ORC3: variants seen among roughly 807,000 people sequenced by gnomAD.
ORC3 encodes the protein homolog of latheo, Drosophila.
Under a neutral mutation model 100.7 loss-of-function variants are expected in ORC3, and 78 were observed. The ratio of observed to expected loss-of-function variants is 0.77; its 90% CI spans 0.65 to 0.94. ORC3 has a LOEUF of 0.94. Among genes scored for constraint, ORC3 ranks in the 40% least tolerant of loss-of-function variants. ORC3 has a pLI of 0.00. For missense variants in ORC3, 789 were observed against 823.9 expected, an observed-to-expected ratio of 0.96 and a Z score of 0.52; for synonymous variants, 295 against 289.3, an observed-to-expected ratio of 1.02 and a Z score of -0.20.
chr6:87,607,504 GC>G (rs758823474), intron 5 of ORC3, among the ~76,000 whole-genome samples, 168 bp from the exon 6 acceptor site: 11 of 151,918 alleles, frequency 7.2e-5, no homozygotes, highest in Non-Finnish European at 1.3e-4. Context: ...GTACTAATGA[GC>G]ATCAGTAGTT....
At chr6:87,635,066 C>A in intron 12 of ORC3, 105 bp downstream of exon 12, 1 of 762,324 alleles carries the variant, frequency 1.3e-6, no homozygotes, top group South Asian at 1.4e-5. Context: ...TGAAGCCAAT[C>A]CTTACAATGA....
chr6:87,647,846 G>A (rs1036279290), intron 13 of ORC3, among the ~76,000 whole-genome samples: 13 of 152,046 alleles, frequency 8.6e-5, no homozygotes, highest in African/African-American at 3.1e-4. Context: ...CACTTTTTTG[G>A]AATAAGCTAA....
chr6:87,654,699 A>G (rs1185763390), intron 14 of ORC3, among the ~76,000 whole-genome samples: 1 of 152,254 alleles, frequency 6.6e-6, no homozygotes, highest in Non-Finnish European at 1.5e-5. Context: ...AAGGCTTAGA[A>G]AAATAGAAGG....
intron 13 of ORC3, among the ~76,000 whole-genome samples, chr6:87,638,459 G>A (rs1767986688): frequency 6.6e-6 from 1 of 152,084 alleles, no homozygotes; most frequent in Admixed American, 6.6e-5. Flanking sequence ...ATGATGCTTT[G>A]GAAAGAATAA....
At chr6:87,669,437 A>G (rs949812785), downstream of ORC3, among the ~76,000 whole-genome samples, 5 of 152,328 alleles carry the variant, frequency 3.3e-5, no homozygotes, top group East Asian at 9.6e-4. Flanking sequence ...GTCAGCTTGA[A>G]TGTTTGTTAA....
At chr6:87,612,918 C>T (rs548607554) in intron 8 of ORC3, among the ~76,000 whole-genome samples, 2 of 152,174 alleles carry the variant, frequency 1.3e-5, no homozygotes, top group African/African-American at 4.8e-5. Context: ...TGACTCCTTA[C>T]ATTTTGTATA....
chr6:87,597,710 C>CACATATAT (rs1554234483), intron 2 of ORC3, among the ~76,000 whole-genome samples: 1 of 140,610 alleles, frequency 7.1e-6, no homozygotes, highest in African/African-American at 2.7e-5. Context: ...CACACACACA[C>CACATATAT]ATATATATAT....
chr6:87,599,501 G>A (rs1417824255), intron 2 of ORC3, among the ~76,000 whole-genome samples: 1 of 151,890 alleles, frequency 6.6e-6, no homozygotes, highest in Admixed American at 6.5e-5. Context: ...CTGAGTACCT[G>A]GGACTACAGG....
intron 13 of ORC3, among the ~76,000 whole-genome samples, chr6:87,649,260 T>C (rs898159795): frequency 1.3e-5 from 2 of 152,200 alleles, no homozygotes; most frequent in Non-Finnish European, 2.9e-5. Flanking sequence ...CAAACACCCA[T>C]GTACACCTAG....
At position 87,667,248 on chromosome 6, in the gene ORC3, T is replaced by G. The variant is rs1770713484; in HGVS notation, c.*125T>G. 1.7e-6 allele frequency: 1 copy of G among 587,084 alleles called. No homozygotes were observed. Among genetic ancestry groups the G allele is most frequent in the Non-Finnish European group, 2.9e-6 (1 of 339,560 alleles). The allele number at this position is 587,084 out of a possible 1,614,324, so 36.4% of individuals were successfully genotyped here. On this transcript the variant is annotated 3_prime_UTR_variant, in exon 20 of 20. Transcript: ENST00000392844. ...ATAAATGTGTAACCCCCATTGATGT[T>G]TAACCAGAAAAGTACATTGCTAACC...
chr6:87,659,022 C>CGG (rs146544093), intron 16 of ORC3, among the ~76,000 whole-genome samples: 694 of 39,456 alleles, frequency 0.018, 15 homozygotes, highest in African/African-American at 0.052. Context: ...AAAAGTGGGG[C>CGG]GGGGGGGGGA....
At chr6:87,596,992 A>T (rs1386045095) in intron 2 of ORC3, among the ~76,000 whole-genome samples, 1 of 152,220 alleles carries the variant, frequency 6.6e-6, no homozygotes, top group East Asian at 1.9e-4. Flanking sequence ...TATTAATACA[A>T]TCTAGTGACC....
intron 11 of ORC3, among the ~76,000 whole-genome samples, chr6:87,631,845 T>C (rs902745489): frequency 2.0e-5 from 3 of 152,172 alleles, no homozygotes; most frequent in African/African-American, 7.2e-5. Context: ...TGTAAAATAG[T>C]GTCCATAAGT....
chr6:87,646,331 C>T (rs1003939420), intron 13 of ORC3, among the ~76,000 whole-genome samples: 3 of 152,026 alleles, frequency 2.0e-5, no homozygotes, highest in Non-Finnish European at 2.9e-5. Flanking sequence ...AAAGATAAAT[C>T]GCTCTTTTGT....
chr6:87,664,941 T>A, intron 18 of ORC3, 82 bp downstream of exon 18: 1 of 786,576 alleles, frequency 1.3e-6, no homozygotes, highest in African/African-American at 1.8e-5. Flanking sequence ...ATACTTTTAG[T>A]GCTTTGGAAT....
At chr6:87,675,036 G>T in the ORC3 span, 1 of 144,222 alleles carries the variant, frequency 6.9e-6, no homozygotes, top group East Asian at 2.0e-4. Flanking sequence ...TAAAAAGACT[G>T]ATAGAATAAA....
In ORC3 at chr6:87,590,163, A is replaced by G. The variant is rs1339141161; in HGVS notation, c.-6A>G. The G allele has an allele frequency of 1.2e-6, 2 of 1,614,136 alleles. No homozygotes were observed. Among genetic ancestry groups the G allele is most frequent in the East Asian group, 4.5e-5 (2 of 44,890 alleles). On this transcript the variant is annotated 5_prime_UTR_variant, in exon 1 of 20. Transcript: ENST00000392844. ...TGCATCTGGAATACGCAGAGTCAGT[A>G]AGACCATGGCTACGTCCTCGATGTC...
intron 14 of ORC3, among the ~76,000 whole-genome samples, chr6:87,653,854 A>C (rs28381515): frequency 6.6e-6 from 1 of 152,162 alleles, no homozygotes; most frequent in African/African-American, 2.4e-5. Flanking sequence ...TGACCTCCAC[A>C]TGATCATTTA....
At chr6:87,594,613 G>T (rs1465958164) in intron 2 of ORC3, 2 of 1,213,320 alleles carry the variant, frequency 1.6e-6, no homozygotes, top group Non-Finnish European at 2.1e-6. Context: ...ACCTTCCAAA[G>T]GTAAGTTGGA....
Sources: allele counts gnomAD v4.1 joint callset (sites outside exome capture counted in the v4.1 genomes callset), GRCh38; gene constraint gnomAD v4.1.1; transcripts MANE v1.5; gene names NCBI Gene and HGNC (gene_info 2026-07-23, HGNC 2026-07-21).